MYOM2: variants seen among roughly 807,000 people sequenced by gnomAD.
MYOM2 encodes the protein myomesin 2.
MYOM2 carries 254 observed loss-of-function variants against 187.6 expected under a neutral mutation model. That is an observed-to-expected ratio of 1.35 (90% CI 1.22 to 1.50). The LOEUF is 1.50. Ranked by LOEUF, MYOM2 falls within the 40% of genes most tolerant of loss-of-function variation. The pLI, the probability that MYOM2 is intolerant of heterozygous loss-of-function variation, is 0.00. For synonymous variants in MYOM2, 981 were observed against 753.8 expected, an observed-to-expected ratio of 1.30 and a Z score of -4.94; for missense variants, 2,796 against 1,924.0, an observed-to-expected ratio of 1.45 and a Z score of -8.48.
At chr8:2,085,079 C>T in intron 13 of MYOM2, 184 bp from the exon 14 acceptor site, 1 of 646,684 alleles carries the variant, frequency 1.5e-6, no homozygotes, top group Non-Finnish European at 2.6e-6. Flanking sequence ...AACTAACTGG[C>T]TGATCTTTAT....
chr8:2,132,018 T>C (rs1046387330), intron 32 of MYOM2, among the ~76,000 whole-genome samples: 1 of 152,208 alleles, frequency 6.6e-6, no homozygotes, highest in African/African-American at 2.4e-5. Context: ...TTAAACAACA[T>C]GAAACTATAT....
intron 13 of MYOM2, chr8:2,081,790 GT>G (rs1305918897): frequency 6.6e-6 from 1 of 152,270 alleles, no homozygotes; most frequent in Non-Finnish European, 1.5e-5. Context: ...GAAAGAGCGC[GT>G]GTCCTGAGGC....
chr8:2,135,128 G>A (rs189197254), intron 32 of MYOM2, among the ~76,000 whole-genome samples: 1 of 152,226 alleles, frequency 6.6e-6, no homozygotes, highest in East Asian at 1.9e-4. Context: ...ACCTACTGTT[G>A]TTGTTGTTTT....
At chr8:2,088,476 T>G (rs1360620144) in intron 14 of MYOM2, among the ~76,000 whole-genome samples, 1 of 152,158 alleles carries the variant, frequency 6.6e-6, no homozygotes, top group East Asian at 1.9e-4. Flanking sequence ...TTCGTGTGCG[T>G]GTGTACCCAG....
intron 3 of MYOM2, among the ~76,000 whole-genome samples, chr8:2,055,715 A>G (rs1285885155): frequency 1.3e-5 from 2 of 152,198 alleles, no homozygotes; most frequent in African/African-American, 4.8e-5. Flanking sequence ...GCGCTGGTCC[A>G]TCGGAGCCGT....
chr8:2,125,055 T>C (rs963689053), intron 31 of MYOM2, among the ~76,000 whole-genome samples: 3 of 152,158 alleles, frequency 2.0e-5, no homozygotes, highest in African/African-American at 7.2e-5. Context: ...CTTTTGTCAA[T>C]TGTTTTCTTT....
chr8:2,109,615 C>A, intron 25 of MYOM2, 84 bp downstream of exon 25: 2 of 1,404,420 alleles, frequency 1.4e-6, no homozygotes, highest in South Asian at 1.4e-5. Flanking sequence ...TCAACATTCT[C>A]TGTCTGTTTC....
chr8:2,121,534 T>C (rs1365701770), intron 28 of MYOM2, among the ~76,000 whole-genome samples: 1 of 152,224 alleles, frequency 6.6e-6, no homozygotes, highest in Non-Finnish European at 1.5e-5. Flanking sequence ...TTAATACATT[T>C]GATTTACATA....
At chr8:2,068,524 T>C (rs13253580) in intron 6 of MYOM2, among the ~76,000 whole-genome samples, 90,160 of 140,594 alleles carry the variant, frequency 0.64, 27,372 homozygotes, top group Admixed American at 0.75. Context: ...GCATCCTGGG[T>C]ACAGCTCTTC....
intron 21 of MYOM2, among the ~76,000 whole-genome samples, chr8:2,105,511 G>A (rs1391043728): frequency 6.6e-6 from 1 of 152,206 alleles, no homozygotes; most frequent in East Asian, 1.9e-4. Flanking sequence ...GCAGAGCTGT[G>A]TGAAGGGGGA....
At chr8:2,076,950 C>T (rs1160913646) in intron 11 of MYOM2, among the ~76,000 whole-genome samples, 2 of 152,168 alleles carry the variant, frequency 1.3e-5, no homozygotes, top group African/African-American at 4.8e-5. Context: ...GCCCTAAATA[C>T]AAATTCCAGT....
intron 6 of MYOM2, among the ~76,000 whole-genome samples, chr8:2,064,725 G>T (rs762366993): frequency 2.6e-5 from 4 of 152,210 alleles, no homozygotes; most frequent in African/African-American, 7.2e-5. Flanking sequence ...GAGGCTGCTG[G>T]CTGGCGAGGG....
intron 32 of MYOM2, among the ~76,000 whole-genome samples, chr8:2,134,215 C>T (rs1397244677): frequency 6.6e-6 from 1 of 152,114 alleles, no homozygotes; most frequent in Non-Finnish European, 1.5e-5. Flanking sequence ...TGTCCTGGCT[C>T]CTGGTTTCCC....
rs369196035 is a variant in MYOM2 at position 2,052,170 on chromosome 8, C to A, written c.120C>A (p.Thr40=). The A allele has an allele frequency of 6.2e-7, 1 of 1,613,266 alleles. No homozygotes were observed. The highest frequency in any genetic ancestry group is 1.1e-5 in the South Asian group (1 of 90,796). ...CATGTTCCTGAAGGCGAGCTTCCAC[C>A]CAGGCATCTTCCCAGAAGTCCTTGA... ...DEYASKKRAS[T]QASSQKSLSQ... Residue 40 remains threonine (T), a synonymous_variant, in exon 3 of 37, where the codon ACC becomes ACA. Transcript: ENST00000262113.
At chr8:2,045,861 G>A (rs899274333) in intron 1 of MYOM2, among the ~76,000 whole-genome samples, 2 of 152,240 alleles carry the variant, frequency 1.3e-5, no homozygotes, top group Non-Finnish European at 2.9e-5. Flanking sequence ...GTGGTTGCAC[G>A]TGGAAGGCAC....
intron 1 of MYOM2, 41 bp from the exon 2 acceptor site, chr8:2,050,714 C>G: frequency 8.0e-7 from 1 of 1,245,298 alleles, no homozygotes; most frequent in Non-Finnish European, 1.2e-6. Context: ...CCTCATGATG[C>G]TTGCGAGGGA....
rs376188848 is a variant in MYOM2 at position 2,057,374 on chromosome 8, G to C, written c.290G>C (p.Gly97Ala). 5 of 1,612,706 alleles carry C rather than the reference G, an allele frequency of 3.1e-6. No individual in the cohort carries two copies. The highest frequency in any genetic ancestry group is 4.2e-6 in the Non-Finnish European group (5 of 1,179,386). The change falls in exon 4 of 37, where the codon GGT becomes GCT. Residue 97 changes from glycine to alanine, a missense_variant. Physicochemically the swap from Gly to Ala is moderately conservative, Grantham distance 60. Coordinates refer to ENST00000262113, the MANE Select transcript of MYOM2 (RefSeq NM_003970.4). Reference sequence around the variant, plus strand: ...TACCAGTCCCTGGTGGCCGCCTATGGTGAGGCCAAGCGACAGCGCTTCCTC... The same window carrying C: ...TACCAGTCCCTGGTGGCCGCCTATGCTGAGGCCAAGCGACAGCGCTTCCTC... ...SRYQSLVAAY[G>A]EAKRQRFLSE...
In MYOM2 at chr8:2,085,498, GTTGTGA is replaced by G. The variant is rs1299425112; in HGVS notation, c.1644+110_1644+115del. On this transcript the variant is annotated intron_variant, in intron 14 of 36. Transcript: ENST00000262113. The stretch of plus-strand genomic sequence containing the variant: ...CGTGATCTCCGCGTGGCCCCTCACT[GTTGTGA>G]TCTCCGCGTGGCCCCCCACTGTTGT... The G allele has an allele frequency of 1.3e-3, 1,580 of 1,228,684 alleles. 321 individuals are homozygous for G. The highest frequency in any genetic ancestry group is 2.0e-3 in the Admixed American group (81 of 40,368). The allele number at this position is 1,228,684 out of a possible 1,614,324, so 76.1% of individuals were successfully genotyped here.
intron 9 of MYOM2, among the ~76,000 whole-genome samples, 200 bp downstream of exon 9, chr8:2,072,709 A>T (rs1287419966): frequency 6.6e-6 from 1 of 152,102 alleles, no homozygotes; most frequent in Non-Finnish European, 1.5e-5. Context: ...GGAGAGGGAG[A>T]CCCCGAACCT....
Sources: gnomAD v4.1 joint callset for allele counts (sites outside exome capture counted in the v4.1 genomes callset) on GRCh38, gnomAD v4.1.1 for gene constraint, MANE v1.5 for transcripts, NCBI Gene and HGNC (gene_info 2026-07-23, HGNC 2026-07-21) for gene names.